The following KIF17 variants were observed in gnomAD, a reference collection of about 807,000 sequenced individuals.
KIF17 encodes kinesin family member 17.
A neutral mutation model predicts 96.8 loss-of-function variants in KIF17; 80 were observed. The observed-to-expected ratio is 0.83, with a 90% CI of 0.69 to 1.00. The LOEUF is 1.00. KIF17 is among the 50% of genes least tolerant of loss of function. The probability of loss-of-function intolerance (pLI) is 0.00; values close to 1 mark genes in which losing one functional copy is unlikely to be tolerated. For synonymous variants in KIF17, 567 were observed against 587.5 expected (o/e 0.97, Z 0.51); for missense variants, 1,280 against 1,372.9 (o/e 0.93, Z 1.07).
chr1:20,687,132 C>A lies in KIF17; in HGVS notation c.1938+256G>T, dbSNP rs527450593. On this transcript the variant is annotated intron_variant, in intron 8 of 14. Coordinates refer to ENST00000400463, the MANE Select transcript of KIF17 (RefSeq NM_001122819.3). This position sits in a 1 kb window ranked among gnomAD's most constrained non-coding sequence, Gnocchi z 4.4. Reference sequence around the variant, plus strand: ...CTCCATCTGCAGAACGGGAGCCCACCTGGCATAACCTTGCATCGCGACCCC... The same window carrying A: ...CTCCATCTGCAGAACGGGAGCCCACATGGCATAACCTTGCATCGCGACCCC... Among the ~76,000 whole-genome samples the A allele has an allele frequency of 6.6e-6, 1 of 152,330 alleles. No homozygotes were observed. Among genetic ancestry groups the A allele is most frequent in the South Asian group, 2.1e-4 (1 of 4,832 alleles).
At position 20,684,915 on chromosome 1, in the gene KIF17, G is replaced by C; in HGVS notation, c.2125C>G (p.Pro709Ala). 6.3e-7 allele frequency: 1 copy of C among 1,595,584 alleles called. No homozygotes were observed. Among genetic ancestry groups the C allele is most frequent in the Non-Finnish European group, 8.5e-7 (1 of 1,171,658 alleles). ...APVALVAQPE[P>A]LPATAGVKRE... is the part of the protein sequence containing the mutation. ...TTCACACCAGCTGTGGCCGGCAGGG[G>C]CTCAGGCTGAGCCACCAGGGCCACC... Residue 709 changes from proline (P) to alanine (A), a missense_variant, in exon 10 of 15, where the codon CCC (proline) becomes GCC (alanine). Transcript: ENST00000400463.
chr1:20,701,934 G>C (rs1434081748), intron 5 of KIF17, among the ~76,000 whole-genome samples: 2 of 152,216 alleles, frequency 1.3e-5, no homozygotes, highest in African/African-American at 4.8e-5. Flanking sequence ...GGATATGCTA[G>C]AGGGAGAACC....
chr1:20,686,500 A>C, intron 8 of KIF17: 2 of 207,972 alleles, frequency 9.6e-6, no homozygotes, highest in Non-Finnish European at 8.5e-6. Flanking sequence ...CACACACAAA[A>C]TACACACACA....
chr1:20,682,130 C>T (rs2053840092), intron 11 of KIF17, among the ~76,000 whole-genome samples: 1 of 152,024 alleles, frequency 6.6e-6, no homozygotes, highest in Non-Finnish European at 1.5e-5. Flanking sequence ...AACACATACC[C>T]GCATGCATGC....
In KIF17 at chr1:20,687,421, TG is replaced by T. The variant is rs769721033; in HGVS notation, c.1904del (p.Ala635AspfsTer41). 1.9e-6 allele frequency: 3 copies of T among 1,613,626 alleles called. No individual in the cohort carries two copies. The highest frequency in any genetic ancestry group is 2.2e-5 in the South Asian group (2 of 91,060). On this transcript the variant is annotated frameshift_variant, in exon 8 of 15. Transcript: ENST00000400463. LOFTEE classifies it high-confidence loss of function. This position sits in a 1 kb window ranked among gnomAD's most constrained non-coding sequence, Gnocchi z 4.4. ...RLSSTVARTD[A>X]PQADVPKVPV... ...GGACCTTGGGGACGTCTGCCTGGGG[TG>T]CATCTGTCCTGGCCACGGTGGAGGA...
At position 20,709,563 on chromosome 1, in the gene KIF17, C is replaced by T. The variant is rs878876216; in HGVS notation, c.670+76G>A. 1.6e-4 allele frequency: 245 copies of T among 1,547,902 alleles called. 1 individual carries two copies. The highest frequency in any genetic ancestry group is 2.8e-4 in the South Asian group (25 of 89,528). On this transcript the variant is annotated intron_variant, in intron 4 of 14. Transcript: ENST00000400463. This position sits in a 1 kb window ranked among gnomAD's most constrained non-coding sequence, Gnocchi z 4.7. ...CACTTTCCAGGGGCTCCTGCGGCCC[C>T]GAGAGGTGGCGTGCCTTGGCTAGTG...
chr1:20,717,786 G>A lies in KIF17; in HGVS notation c.-80C>T, dbSNP rs1359455003. The A allele has an allele frequency of 2.7e-5, 37 of 1,368,274 alleles. No homozygotes were observed. Among genetic ancestry groups the A allele is most frequent in the Admixed American group, 1.9e-4 (5 of 26,384 alleles). The allele number at this position is 1,368,274 out of a possible 1,614,324, so 84.8% of individuals were successfully genotyped here. A position where few individuals can be genotyped will look rare whatever the true frequency, so the allele number is the denominator to read the frequency against. ...TCCCAGCAGCCCGGGCCAAGGGGCG[G>A]GGCCAGCGCCGGCCACGGGGGGCGG... is the stretch of plus-strand genomic sequence containing the variant. On this transcript the variant is annotated 5_prime_UTR_variant, in exon 1 of 15. Transcript: ENST00000400463.
rs890944616 is a variant in KIF17, at chr1:20,717,710, G to A, written c.-4C>T. On this transcript the variant is annotated 5_prime_UTR_variant, in exon 1 of 15. Transcript: ENST00000400463. ...CCTTCACCGCCTCGGAGGCCATGGC[G>A]CCGCGCCCAGGACCAACGGGACCAG... 2.5e-5 allele frequency: 39 copies of A among 1,571,290 alleles called. No individual in the cohort carries two copies. In the Admixed American group the frequency reaches 3.1e-4, roughly 12 times the overall value.
At chr1:20,712,608 A>ATATATAATATAGATAATATC (rs1557606347) in intron 3 of KIF17, among the ~76,000 whole-genome samples, 27 of 20,782 alleles carry the variant, frequency 1.3e-3, no homozygotes, top group Non-Finnish European at 3.2e-3. Flanking sequence ...ATATATCTAT[A>ATATATAATATAGATAATATC]TATATATAAT....
intron 11 of KIF17, among the ~76,000 whole-genome samples, chr1:20,678,927 C>A (rs1358187400): frequency 2.0e-5 from 3 of 150,378 alleles, no homozygotes; most frequent in African/African-American, 7.4e-5. Flanking sequence ...ACAACCACCA[C>A]CAAAAAAATA....
intron 11 of KIF17, among the ~76,000 whole-genome samples, chr1:20,676,318 A>G (rs2053736342): frequency 6.6e-6 from 1 of 152,196 alleles, no homozygotes; most frequent in Non-Finnish European, 1.5e-5. Context: ...ATCATAAAGC[A>G]CAGTAAAAGA....
In KIF17 at chr1:20,685,333, G is replaced by C; in HGVS notation, c.2020-313C>G. 1 of 531,686 alleles carries C rather than the reference G, an allele frequency of 1.9e-6. No homozygotes were observed. Among genetic ancestry groups the C allele is most frequent in the Non-Finnish European group, 3.6e-6 (1 of 279,180 alleles). The allele number at this position is 531,686 out of a possible 1,614,324, so 32.9% of individuals were successfully genotyped here. ...ACATCCCGTTCCCGATGAGCCCCATGTGACTTCCCGTCACGTTCGCAGGAA... is the reference window on the plus strand; with the variant it reads ...ACATCCCGTTCCCGATGAGCCCCATCTGACTTCCCGTCACGTTCGCAGGAA... On this transcript the variant is annotated intron_variant, in intron 9 of 14. Transcript: ENST00000400463. The surrounding 1 kb of genome is among the most constrained non-coding windows in gnomAD (Gnocchi z 4.1).
At position 20,700,110 on chromosome 1, in the gene KIF17, C is replaced by T. The variant is rs930439369; in HGVS notation, c.1124-1622G>A. On this transcript the variant is annotated intron_variant, in intron 5 of 14. Coordinates refer to ENST00000400463, the MANE Select transcript of KIF17 (RefSeq NM_001122819.3). This position sits in a 1 kb window ranked among gnomAD's most constrained non-coding sequence, Gnocchi z 4.6. ...TTTTGAGACGGGGTCTTTGCTCTGT[C>T]GCCTAGGCTAGATGCAATCGTGTGA... 2.0e-5 allele frequency among the ~76,000 whole-genome samples: 3 copies of T among 152,084 alleles called. No homozygotes were observed. Among genetic ancestry groups the T allele is most frequent in the Non-Finnish European group, 4.4e-5 (3 of 68,026 alleles).
chr1:20,717,802 CG>C lies in KIF17; in HGVS notation c.-97del. The C allele has an allele frequency of 4.6e-6, 6 of 1,312,086 alleles. No homozygotes were observed. Among genetic ancestry groups the C allele is most frequent in the East Asian group, 3.2e-5 (1 of 31,370 alleles). The allele number at this position is 1,312,086 out of a possible 1,614,324, so 81.3% of individuals were successfully genotyped here. On this transcript the variant is annotated 5_prime_UTR_variant, in exon 1 of 15. Coordinates refer to ENST00000400463, the MANE Select transcript of KIF17 (RefSeq NM_001122819.3). ...CAAGGGGCGGGGCCAGCGCCGGCCA[CG>C]GGGGGCGGGGCCTTGAGGCAGGGGC...
At chr1:20,682,556 G>A in intron 11 of KIF17, 97 bp downstream of exon 11, 2 of 976,046 alleles carry the variant, frequency 2.0e-6, no homozygotes, top group South Asian at 1.3e-5. Flanking sequence ...AAGAGTAGAG[G>A]GCTGCCTGGC....
At chr1:20,666,451 A>G (rs1252759801) in intron 13 of KIF17, 120 bp from the exon 14 acceptor site, 2 of 833,796 alleles carry the variant, frequency 2.4e-6, no homozygotes, top group Non-Finnish European at 2.1e-6. Context: ...AAGTTGTCAC[A>G]GGGCTGGAGC....
Position 20,715,638 on chromosome 1 carries a change from C to T in KIF17, c.233G>A (p.Gly78Asp), listed in dbSNP as rs765354547. ...GGTGCCATTGTAGCCCTCAGTGACG[C>T]CCTGCATGGGAGGAAGGCAGGACCC... ...YNEIAYPLVEGVTEGYNGTIF... is the reference protein window; with the variant it reads ...YNEIAYPLVEDVTEGYNGTIF... The change falls in exon 2 of 15, where the codon GGC becomes GAC. Residue 78 changes from glycine (G) to aspartate (D), a missense_variant and splice_region_variant. Transcript: ENST00000400463. The T allele has an allele frequency of 1.2e-6, 2 of 1,613,868 alleles. No individual in the cohort carries two copies. The highest frequency in any genetic ancestry group is 1.7e-6 in the Non-Finnish European group (2 of 1,180,030).
Position 20,684,944 on chromosome 1 carries a change from G to C in KIF17, c.2096C>G (p.Ala699Gly), listed in dbSNP as rs764831126. 6 of 1,603,248 alleles carry C rather than the reference G, an allele frequency of 3.7e-6. No individual in the cohort carries two copies. The highest frequency in any genetic ancestry group is 5.1e-6 in the Non-Finnish European group (6 of 1,175,330). ...AGGCTGAGCCACCAGGGCCACCGGGGCCTGAGCCTCCAACCACACGCCAGG... is the reference window on the plus strand; with the variant it reads ...AGGCTGAGCCACCAGGGCCACCGGGCCCTGAGCCTCCAACCACACGCCAGG... ...AEPGVWLEAQ[A>G]PVALVAQPEP... Residue 699 changes from alanine (A) to glycine (G), a missense_variant, in exon 10 of 15, where the codon GCC becomes GGC. Ala to Gly is a moderately conservative substitution (Grantham distance 60). Transcript: ENST00000400463.
In KIF17 at chr1:20,687,387, C is replaced by T. The variant is rs1175172592; in HGVS notation, c.1938+1G>A. On this transcript the variant is annotated splice_donor_variant, in intron 8 of 14. Coordinates refer to ENST00000400463, the MANE Select transcript of KIF17 (RefSeq NM_001122819.3). LOFTEE classifies it high-confidence loss of function. This position sits in a 1 kb window ranked among gnomAD's most constrained non-coding sequence, Gnocchi z 4.4. ...ATGGCACCATGCGTGACATCAGCTA[C>T]CTGCACAGGGACCTTGGGGACGTCT... The T allele has an allele frequency of 6.2e-7, 1 of 1,612,958 alleles. No individual in the cohort carries two copies. The highest frequency in any genetic ancestry group is 1.7e-5 in the Admixed American group (1 of 60,034).
Sources: gnomAD v4.1 joint callset for allele counts (sites outside exome capture counted in the v4.1 genomes callset) on GRCh38, gnomAD v4.1.1 for gene constraint, Gnocchi (gnomAD v3.1) non-coding constraint, MANE v1.5 for transcripts, NCBI Gene and HGNC (gene_info 2026-07-23, HGNC 2026-07-21) for gene names.